Variants in ACBD6 observed in about 807,000 individuals in gnomAD.
The protein encoded by ACBD6 is acyl-CoA-binding domain-containing protein 6.
ACBD6 carries 28 observed loss-of-function variants against 37.2 expected under a neutral mutation model. The observed-to-expected ratio is 0.75, with a 90% CI of 0.56 to 1.03. The LOEUF is 1.03. Ranked by LOEUF, ACBD6 falls within the 50% of genes least tolerant of loss-of-function variation. The probability of loss-of-function intolerance (pLI) is 0.00; values close to 1 mark genes in which losing one functional copy is unlikely to be tolerated. For missense variants in ACBD6, 340 were observed against 337.4 expected, an observed-to-expected ratio of 1.01 and a Z score of -0.06; for synonymous variants, 113 against 126.8, an observed-to-expected ratio of 0.89 and a Z score of 0.73.
At chr1:180,429,684 T>C (rs943131909) in intron 4 of ACBD6, among the ~76,000 whole-genome samples, 10 of 152,200 alleles carry the variant, frequency 6.6e-5, no homozygotes, top group Non-Finnish European at 1.2e-4. Context: ...AGTGGCTGTA[T>C]CATTTTATAC....
At chr1:180,442,561 T>G (rs1384039790) in intron 3 of ACBD6, among the ~76,000 whole-genome samples, 1 of 152,198 alleles carries the variant, frequency 6.6e-6, no homozygotes, top group African/African-American at 2.4e-5. Context: ...CTTCTCTCAC[T>G]TTTTTTCTCC....
At chr1:180,435,186 AT>A in intron 3 of ACBD6, 1 of 680,992 alleles carries the variant, frequency 1.5e-6, no homozygotes, top group Non-Finnish European at 2.7e-6. Context: ...GGATTTCAAC[AT>A]CGCTGGCCTT....
intron 3 of ACBD6, among the ~76,000 whole-genome samples, chr1:180,439,318 C>A (rs543268748): frequency 6.6e-6 from 1 of 152,132 alleles, no homozygotes; most frequent in Non-Finnish European, 1.5e-5. Flanking sequence ...GGTGTGGGGG[C>A]TCACGCCTGT....
intron 6 of ACBD6, among the ~76,000 whole-genome samples, chr1:180,370,331 T>C (rs770175135): frequency 1.3e-4 from 20 of 152,124 alleles, no homozygotes; most frequent in Non-Finnish European, 2.6e-4. Context: ...AACTGTGTGT[T>C]TGTGTGTGTG....
At chr1:180,304,038 CT>C (rs1435816822) in intron 7 of ACBD6, among the ~76,000 whole-genome samples, 1 of 150,736 alleles carries the variant, frequency 6.6e-6, no homozygotes, top group East Asian at 1.9e-4. Flanking sequence ...CAGAAAAGGC[CT>C]TTGACAAAAT....
At chr1:180,424,234 A>C (rs1264399812) in intron 4 of ACBD6, among the ~76,000 whole-genome samples, 1 of 152,138 alleles carries the variant, frequency 6.6e-6, no homozygotes, top group African/African-American at 2.4e-5. Flanking sequence ...CTGTAAAAAA[A>C]AGAATATTAA....
chr1:180,483,120 G>A (rs970312398), intron 3 of ACBD6, among the ~76,000 whole-genome samples: 1 of 151,978 alleles, frequency 6.6e-6, no homozygotes, highest in African/African-American at 2.4e-5. Flanking sequence ...TCCACCCCTC[G>A]TTCTCATATA....
At chr1:180,426,229 T>C (rs1052712839) in intron 4 of ACBD6, among the ~76,000 whole-genome samples, 1 of 152,220 alleles carries the variant, frequency 6.6e-6, no homozygotes, top group African/African-American at 2.4e-5. Context: ...TTCTAATAGA[T>C]TACATGACAT....
Position 180,294,250 on chromosome 1 carries a change from T to C in ACBD6, c.695-5733A>G, listed in dbSNP as rs147484510. On this transcript the variant is annotated intron_variant, in intron 7 of 7. Transcript: ENST00000367595. ...TTTGTGTCTTTAAAAAAATTTGTCCTGGCCAGGTGCGGTGGCTCTTGCCTG... is the reference window on the plus strand; with the variant it reads ...TTTGTGTCTTTAAAAAAATTTGTCCCGGCCAGGTGCGGTGGCTCTTGCCTG... Among the ~76,000 whole-genome samples the C allele has an allele frequency of 5.4e-3, 824 of 152,116 alleles. 8 individuals carry two copies. The highest frequency in any genetic ancestry group is 0.019 in the African/African-American group (779 of 41,524).
intron 6 of ACBD6, among the ~76,000 whole-genome samples, chr1:180,338,256 G>A (rs1470619320): frequency 6.6e-6 from 1 of 152,178 alleles, no homozygotes; most frequent in African/African-American, 2.4e-5. Context: ...AAAGCTGGAG[G>A]AATCACACTA....
chr1:180,465,552 C>T (rs1217274382), intron 3 of ACBD6, among the ~76,000 whole-genome samples: 1 of 152,136 alleles, frequency 6.6e-6, no homozygotes, highest in Non-Finnish European at 1.5e-5. Context: ...AACCCTTATA[C>T]ACTGTTGGTG....
chr1:180,290,141 TTTG>T (rs999134888), intron 7 of ACBD6, among the ~76,000 whole-genome samples: 3 of 151,746 alleles, frequency 2.0e-5, no homozygotes, highest in East Asian at 1.9e-4. Context: ...TGTGTGGGTT[TTTG>T]TTGTTGTTGT....
At position 180,418,453 on chromosome 1, in the gene ACBD6, C is replaced by T. The variant is rs183208432; in HGVS notation, c.468-4982G>A. ...AATTAGCTGGGTGTGGTGGTGCGTG[C>T]CTGTAGTCCTACCTATTTGGGAAGC... On this transcript the variant is annotated intron_variant, in intron 4 of 7. Coordinates refer to ENST00000367595, the MANE Select transcript of ACBD6 (RefSeq NM_032360.4). 2.0e-5 allele frequency among the ~76,000 whole-genome samples: 3 copies of T among 152,060 alleles called. No homozygotes were observed. The East Asian group carries it at 5.8e-4, about 29-fold the overall frequency.
At chr1:180,438,804 A>G (rs1307003489) in intron 3 of ACBD6, among the ~76,000 whole-genome samples, 1 of 152,174 alleles carries the variant, frequency 6.6e-6, no homozygotes, top group Non-Finnish European at 1.5e-5. Context: ...TCACTCTTGT[A>G]TTGAACATTC....
At chr1:180,392,365 T>C (rs1654109876) in intron 6 of ACBD6, among the ~76,000 whole-genome samples, 1 of 152,104 alleles carries the variant, frequency 6.6e-6, no homozygotes, top group Non-Finnish European at 1.5e-5. Context: ...TTAATAATTT[T>C]AAATAATGAA....
At chr1:180,413,734 TAAAGC>T (rs773481577) in intron 4 of ACBD6, among the ~76,000 whole-genome samples, 12 of 152,182 alleles carry the variant, frequency 7.9e-5, no homozygotes, top group Non-Finnish European at 1.6e-4. Context: ...GTGATTTTCT[TAAAGC>T]AAAGAAAATC....
intron 7 of ACBD6, among the ~76,000 whole-genome samples, chr1:180,296,469 G>A (rs551183875): frequency 5.3e-5 from 8 of 151,944 alleles, no homozygotes; most frequent in Non-Finnish European, 1.2e-4. Flanking sequence ...TCACTCTGTC[G>A]CCCAGGTTGG....
At position 180,327,332 on chromosome 1, in the gene ACBD6, G is replaced by C. The variant is rs1156505201; in HGVS notation, c.664-12610C>G. Among the ~76,000 whole-genome samples, 3 of 152,154 alleles carry C rather than the reference G, an allele frequency of 2.0e-5. No individual in the cohort carries two copies. The East Asian group carries it at 5.8e-4, about 29-fold the overall frequency. ...GAGTTCAATGCCAAATCTCCCAGTT[G>C]CTGTGTTCTCCCTCTCCAAGTGCAC... On this transcript the variant is annotated intron_variant, in intron 6 of 7. Transcript: ENST00000367595.
At chr1:180,299,747 C>T (rs1316132355) in intron 7 of ACBD6, among the ~76,000 whole-genome samples, 1 of 151,836 alleles carries the variant, frequency 6.6e-6, no homozygotes, top group Admixed American at 6.6e-5. Context: ...CCCTGGGAGA[C>T]ACAGATGCAA....
Sources: allele counts gnomAD v4.1 joint callset (sites outside exome capture counted in the v4.1 genomes callset), GRCh38; gene constraint gnomAD v4.1.1; transcripts MANE v1.5; gene names NCBI Gene and HGNC (gene_info 2026-07-23, HGNC 2026-07-21).